The following SEMA5A variants were observed in gnomAD, a reference collection of about 807,000 sequenced individuals.
SEMA5A encodes semaphorin 5A.
A neutral mutation model predicts 135.5 loss-of-function variants in SEMA5A; 55 were observed. The observed-to-expected ratio is 0.41, with a 90% CI of 0.33 to 0.51. The LOEUF is 0.51. Ranked by LOEUF, SEMA5A falls within the 20% of genes least tolerant of loss-of-function variation. The pLI is 0.37. For synonymous variants in SEMA5A, 580 were observed against 546.5 expected, an observed-to-expected ratio of 1.06 and a Z score of -0.85; for missense variants, 1,290 against 1,419.9, an observed-to-expected ratio of 0.91 and a Z score of 1.47.
chr5:9,377,879 C>A (rs1388945914), intron 3 of SEMA5A, among the ~76,000 whole-genome samples: 1 of 151,984 alleles, frequency 6.6e-6, no homozygotes, highest in East Asian at 1.9e-4. Flanking sequence ...ATTCCCAGGT[C>A]TGTGGAAGGA....
intron 11 of SEMA5A, among the ~76,000 whole-genome samples, chr5:9,182,050 TTTC>T (rs1015916558): frequency 2.6e-5 from 4 of 152,074 alleles, no homozygotes; most frequent in Non-Finnish European, 5.9e-5. Context: ...ACATTGCACG[TTTC>T]TTCTTACCAC....
chr5:9,265,327 C>A, intron 5 of SEMA5A: 1 of 422,100 alleles, frequency 2.4e-6, no homozygotes, highest in Admixed American at 2.5e-5. Context: ...GAAGGACAGG[C>A]CCAGTTCCTG....
intron 8 of SEMA5A, among the ~76,000 whole-genome samples, chr5:9,221,342 A>G (rs183053930): frequency 0.047 from 5,812 of 124,694 alleles, 269 homozygotes; most frequent in African/African-American, 0.13. Flanking sequence ...TCGCTGTGTC[A>G]CCCAGGCTGG....
At chr5:9,544,349 C>T (rs1284452324) in intron 1 of SEMA5A, among the ~76,000 whole-genome samples, 1 of 152,172 alleles carries the variant, frequency 6.6e-6, no homozygotes, top group Non-Finnish European at 1.5e-5. Flanking sequence ...GTAAATGTAA[C>T]AGTCACAAGG....
At chr5:9,131,817 C>A (rs1179845992) in intron 13 of SEMA5A, among the ~76,000 whole-genome samples, 1 of 151,776 alleles carries the variant, frequency 6.6e-6, no homozygotes, top group Non-Finnish European at 1.5e-5. Context: ...GGGGAGTGAA[C>A]ATGCAGACTA....
intron 5 of SEMA5A, among the ~76,000 whole-genome samples, chr5:9,242,139 T>C (rs1170282715): frequency 6.6e-6 from 1 of 152,224 alleles, no homozygotes; most frequent in Non-Finnish European, 1.5e-5. Flanking sequence ...ATCGTCAGGG[T>C]ATGCAAGACT....
chr5:9,203,642 C>G (rs1003359160), intron 8 of SEMA5A, among the ~76,000 whole-genome samples: 4 of 152,180 alleles, frequency 2.6e-5, no homozygotes, highest in African/African-American at 9.7e-5. Flanking sequence ...TTTAATCCAA[C>G]TTTACATTTT....
At chr5:9,297,586 C>G (rs1272815133) in intron 5 of SEMA5A, among the ~76,000 whole-genome samples, 1 of 152,056 alleles carries the variant, frequency 6.6e-6, no homozygotes, top group Non-Finnish European at 1.5e-5. Context: ...GAGTATCTCA[C>G]TCCAATTGCC....
At chr5:9,352,880 C>T (rs1275050502) in intron 3 of SEMA5A, among the ~76,000 whole-genome samples, 1 of 151,980 alleles carries the variant, frequency 6.6e-6, no homozygotes, top group East Asian at 1.9e-4. Context: ...GACTATTTGA[C>T]CTGCAAGGGC....
intron 12 of SEMA5A, among the ~76,000 whole-genome samples, chr5:9,139,901 C>G (rs994416892): frequency 2.0e-5 from 3 of 152,186 alleles, no homozygotes; most frequent in Non-Finnish European, 2.9e-5. Flanking sequence ...TCTAAGGTAT[C>G]ATTTTTTGGC....
intron 16 of SEMA5A, among the ~76,000 whole-genome samples, chr5:9,091,579 G>A (rs575304918): frequency 5.8e-4 from 88 of 152,220 alleles, no homozygotes; most frequent in African/African-American, 1.9e-3. Flanking sequence ...ACAATGGGTC[G>A]GAATTATTTC....
At chr5:9,170,663 G>A (rs886810653) in intron 11 of SEMA5A, among the ~76,000 whole-genome samples, 1 of 152,050 alleles carries the variant, frequency 6.6e-6, no homozygotes, top group Non-Finnish European at 1.5e-5. Context: ...ACAGGGAGAA[G>A]GTAGCTAATT....
At chr5:9,404,584 C>CA (rs1756803095) in intron 2 of SEMA5A, among the ~76,000 whole-genome samples, 1 of 152,164 alleles carries the variant, frequency 6.6e-6, no homozygotes, top group Non-Finnish European at 1.5e-5. Context: ...CACTAGGTTT[C>CA]TTACTTAATC....
chr5:9,335,989 T>C (rs1193410162), intron 4 of SEMA5A, among the ~76,000 whole-genome samples: 1 of 151,376 alleles, frequency 6.6e-6, no homozygotes, highest in Non-Finnish European at 1.5e-5. Flanking sequence ...GTACATTAAG[T>C]GCAGTTAAAA....
At chr5:9,505,074 G>T (rs1735800873) in intron 1 of SEMA5A, among the ~76,000 whole-genome samples, 1 of 151,480 alleles carries the variant, frequency 6.6e-6, no homozygotes, top group Non-Finnish European at 1.5e-5. Flanking sequence ...GAACACTGAA[G>T]AATTGAAATT....
chr5:9,437,134 TG>T (rs1434028666), intron 2 of SEMA5A, among the ~76,000 whole-genome samples: 7 of 151,960 alleles, frequency 4.6e-5, no homozygotes, highest in African/African-American at 1.7e-4. Flanking sequence ...TGCAAATAAG[TG>T]GGGGCAGCGC....
intron 8 of SEMA5A, 113 bp from the exon 9 acceptor site, chr5:9,202,353 G>A: frequency 9.3e-7 from 1 of 1,080,660 alleles, no homozygotes; most frequent in Non-Finnish European, 1.3e-6. Flanking sequence ...ATAACACCTG[G>A]TTCCTATAGG....
intron 2 of SEMA5A, among the ~76,000 whole-genome samples, chr5:9,404,944 A>G (rs1756815573): frequency 2.6e-5 from 4 of 152,218 alleles, no homozygotes; most frequent in Admixed American, 2.6e-4. Context: ...CCAACCAAAG[A>G]AAGGGCGAAT....
chr5:9,097,183 C>G (rs1739368500), intron 16 of SEMA5A, among the ~76,000 whole-genome samples: 1 of 152,074 alleles, frequency 6.6e-6, no homozygotes, highest in Non-Finnish European at 1.5e-5. Flanking sequence ...TGATTTAAGC[C>G]TCACAAGTAG....
Sources: gnomAD v4.1 joint callset for allele counts (sites outside exome capture counted in the v4.1 genomes callset) on GRCh38, gnomAD v4.1.1 for gene constraint, MANE v1.5 for transcripts, NCBI Gene and HGNC (gene_info 2026-07-23, HGNC 2026-07-21) for gene names.